The following VGLL3 variants were observed in gnomAD, a reference collection of about 807,000 sequenced individuals.
The protein encoded by VGLL3 is vestigial like family member 3.
In VGLL3, 18 loss-of-function variants were observed where a neutral mutation model predicts 29.2. The observed-to-expected ratio is 0.62, with a 90% confidence interval of 0.43 to 0.91. VGLL3 has a LOEUF of 0.91. Among genes scored for constraint, VGLL3 ranks in the 40% least tolerant of loss-of-function variants. VGLL3 has a pLI of 0.00. For missense variants in VGLL3, 440 were observed against 413.2 expected, an observed-to-expected ratio of 1.06 and a Z score of -0.56; for synonymous variants, 180 against 151.8, an observed-to-expected ratio of 1.19 and a Z score of -1.36.
intron 2 of VGLL3, among the ~76,000 whole-genome samples, chr3:86,976,790 T>C (rs1705218596): frequency 6.6e-6 from 1 of 152,226 alleles, no homozygotes; most frequent in Non-Finnish European, 1.5e-5. Context: ...GATTTTTCAG[T>C]TTAAATGATA....
At chr3:86,966,335 T>C (rs551641798) in intron 3 of VGLL3, among the ~76,000 whole-genome samples, 8 of 152,286 alleles carry the variant, frequency 5.3e-5, no homozygotes, top group African/African-American at 1.9e-4. Context: ...GTAGGAGGTC[T>C]AACTGTGGCA....
chr3:86,981,154 C>A (rs1705317425), intron 1 of VGLL3, among the ~76,000 whole-genome samples: 1 of 151,894 alleles, frequency 6.6e-6, no homozygotes, highest in African/African-American at 2.4e-5. Context: ...GCCATGAATC[C>A]TGATACAAAC....
At chr3:86,989,820 G>A (rs1008686376) in intron 1 of VGLL3, among the ~76,000 whole-genome samples, 3 of 151,946 alleles carry the variant, frequency 2.0e-5, no homozygotes, top group Non-Finnish European at 4.4e-5. Flanking sequence ...AATGTCCAAG[G>A]GCGCCTCGTG....
intron 3 of VGLL3, among the ~76,000 whole-genome samples, chr3:86,948,871 T>C (rs1704558562): frequency 1.3e-5 from 2 of 152,242 alleles, no homozygotes; most frequent in South Asian, 4.1e-4. Context: ...GTTTGCTTTA[T>C]TCATTTTCAA....
intron 2 of VGLL3, among the ~76,000 whole-genome samples, chr3:86,973,597 T>C (rs1705150044): frequency 6.6e-6 from 1 of 152,180 alleles, no homozygotes. Context: ...AGGGATGATG[T>C]CAGAGGCCGA....
At chr3:86,953,641 G>A (rs981125590) in intron 3 of VGLL3, among the ~76,000 whole-genome samples, 3 of 151,952 alleles carry the variant, frequency 2.0e-5, no homozygotes, top group African/African-American at 7.2e-5. Flanking sequence ...GTATCTAGTT[G>A]TTTCAATGTT....
chr3:86,978,925 C>T (rs940040877), intron 1 of VGLL3, 123 bp from the exon 2 acceptor site: 6 of 1,129,242 alleles, frequency 5.3e-6, no homozygotes, highest in Non-Finnish European at 7.2e-6. Flanking sequence ...ACTGATTCTT[C>T]TTCATCTGTT....
chr3:86,986,139 T>C (rs1705436847), intron 1 of VGLL3, among the ~76,000 whole-genome samples: 1 of 152,034 alleles, frequency 6.6e-6, no homozygotes, highest in Non-Finnish European at 1.5e-5. Flanking sequence ...GACTTTCCAC[T>C]CTAAACACCT....
At chr3:86,966,848 T>C (rs1704977135) in intron 3 of VGLL3, among the ~76,000 whole-genome samples, 1 of 131,070 alleles carries the variant, frequency 7.6e-6, no homozygotes, top group South Asian at 2.6e-4. Context: ...ATGCCTTATA[T>C]TGTGAGTAAT....
At chr3:86,978,026 T>C (rs1200549851) in intron 2 of VGLL3, among the ~76,000 whole-genome samples, 4 of 152,172 alleles carry the variant, frequency 2.6e-5, no homozygotes, top group Non-Finnish European at 5.9e-5. Flanking sequence ...ATGCCTAGAG[T>C]GTATACTATA....
Position 86,989,828 on chromosome 3 carries a change from G to C in VGLL3, c.126+790C>G, listed in dbSNP as rs150367868. 7.8e-4 allele frequency among the ~76,000 whole-genome samples: 118 copies of C among 152,110 alleles called. 1 individual carries two copies. Among genetic ancestry groups the C allele is most frequent in the Admixed American group, 5.8e-3 (89 of 15,280 alleles). On this transcript the variant is annotated intron_variant, in intron 1 of 3. Transcript: ENST00000398399. Reference sequence around the variant, plus strand: ...AGAGAGTAATGTCCAAGGGCGCCTCGTGCCAAATTCCCCAGAACTCTACTG... The same window carrying C: ...AGAGAGTAATGTCCAAGGGCGCCTCCTGCCAAATTCCCCAGAACTCTACTG...
In VGLL3 at chr3:86,945,327, T is replaced by C. The variant is rs1411321860; in HGVS notation, c.*1697A>G. The C allele has an allele frequency of 1.3e-5, 2 of 152,190 alleles. No individual in the cohort carries two copies. The highest frequency in any genetic ancestry group is 2.9e-5 in the Non-Finnish European group (2 of 68,018). The allele number at this position is 152,190 out of a possible 1,614,324, so 9.4% of individuals were successfully genotyped here. On this transcript the variant is annotated 3_prime_UTR_variant, in exon 4 of 4. Transcript: ENST00000398399. ...TGAGAACTCTGCCTAGCTGAACATG[T>C]CATGTTCATGTCTAAAAAGTTCGCA...
intron 3 of VGLL3, among the ~76,000 whole-genome samples, chr3:86,952,310 A>G (rs1233691350): frequency 6.6e-6 from 1 of 152,226 alleles, no homozygotes; most frequent in East Asian, 1.9e-4. Flanking sequence ...ACGTTACACT[A>G]ATATACAGCT....
At chr3:86,985,121 C>T (rs548593035) in intron 1 of VGLL3, among the ~76,000 whole-genome samples, 1 of 152,288 alleles carries the variant, frequency 6.6e-6, no homozygotes, top group African/African-American at 2.4e-5. Context: ...TCAGAGGTCT[C>T]TCATCCAACT....
At position 86,938,690 on chromosome 3, in the gene VGLL3, A is replaced by G. The variant is rs1178314296; in HGVS notation, c.*8334T>C. On this transcript the variant is annotated 3_prime_UTR_variant, in exon 4 of 4. Transcript: ENST00000398399. ...TGATCAGCAGCATTCCAGAGTATGG[A>G]TACCTTCTTTACACATTAAATCTAT... is the stretch of plus-strand genomic sequence containing the variant. 1 of 152,120 alleles carries G rather than the reference A, an allele frequency of 6.6e-6. No individual in the cohort carries two copies. Among genetic ancestry groups the G allele is most frequent in the Non-Finnish European group, 1.5e-5 (1 of 68,046 alleles). 9.4% of individuals were successfully genotyped at this position (152,120 alleles called of 1,614,324 possible).
intron 3 of VGLL3, chr3:86,962,244 A>G: frequency 3.0e-6 from 3 of 985,442 alleles, no homozygotes; most frequent in Non-Finnish European, 3.6e-6. Flanking sequence ...TGTATGTAAT[A>G]CCTGTTCAAC....
At chr3:86,980,456 G>A (rs1024040267) in intron 1 of VGLL3, among the ~76,000 whole-genome samples, 17 of 152,060 alleles carry the variant, frequency 1.1e-4, no homozygotes, top group South Asian at 8.3e-4. Context: ...TTTAAAATTC[G>A]TATCAGTATG....
intron 2 of VGLL3, among the ~76,000 whole-genome samples, chr3:86,976,729 T>C (rs1705217796): frequency 6.6e-6 from 1 of 152,196 alleles, no homozygotes; most frequent in Admixed American, 6.5e-5. Context: ...TTGAATATGA[T>C]TCTATAGACA....
At chr3:86,970,483 G>GCACACACA (rs10694503) in intron 2 of VGLL3, among the ~76,000 whole-genome samples, 4,087 of 141,218 alleles carry the variant, frequency 0.029, 103 homozygotes, top group East Asian at 0.1. Flanking sequence ...TTACACACAC[G>GCACACACA]CACACACACA....
Sources: allele counts gnomAD v4.1 joint callset (sites outside exome capture counted in the v4.1 genomes callset), GRCh38; gene constraint gnomAD v4.1.1; transcripts MANE v1.5; gene names NCBI Gene and HGNC (gene_info 2026-07-23, HGNC 2026-07-21).